ABHD17C: variants seen among roughly 807,000 people sequenced by gnomAD.
ABHD17C encodes the protein alpha/beta hydrolase domain-containing protein 17C.
In ABHD17C, 11 loss-of-function variants were observed where a neutral mutation model predicts 27.9. That is an observed-to-expected ratio of 0.39 (90% CI 0.25 to 0.65). The LOEUF (loss-of-function observed/expected upper bound fraction) is 0.65, where lower values mean the gene tolerates loss of function less well. Ranked by LOEUF, ABHD17C falls within the 30% of genes least tolerant of loss-of-function variation. The pLI is 0.45. For missense variants in ABHD17C, 280 were observed against 470.2 expected (o/e 0.60, Z 3.74); for synonymous variants, 233 against 209.1 (o/e 1.11, Z -0.98).
intron 1 of ABHD17C, among the ~76,000 whole-genome samples, chr15:80,703,941 A>G (rs1894608571): frequency 6.6e-6 from 1 of 152,232 alleles, no homozygotes; most frequent in African/African-American, 2.4e-5. Flanking sequence ...AAGTAGGCAC[A>G]GTAAGAGATT....
intron 1 of ABHD17C, among the ~76,000 whole-genome samples, chr15:80,732,577 G>T (rs189804280): frequency 1.2e-4 from 19 of 152,210 alleles, no homozygotes; most frequent in Non-Finnish European, 5.9e-5. Flanking sequence ...AGGACGGGGT[G>T]GGGGGATAGA....
At chr15:80,719,671 A>G (rs377420950) in intron 1 of ABHD17C, among the ~76,000 whole-genome samples, 25 of 152,360 alleles carry the variant, frequency 1.6e-4, no homozygotes, top group Non-Finnish European at 3.2e-4. Flanking sequence ...CATGTTTTGT[A>G]GATCTTTCTG....
intron 1 of ABHD17C, among the ~76,000 whole-genome samples, chr15:80,700,954 C>T (rs1430945876): frequency 6.6e-6 from 1 of 152,196 alleles, no homozygotes; most frequent in Non-Finnish European, 1.5e-5. Flanking sequence ...TTTATTTATG[C>T]TCTGCTTGTG....
At chr15:80,747,563 G>A (rs1895307078) in intron 1 of ABHD17C, among the ~76,000 whole-genome samples, 1 of 152,096 alleles carries the variant, frequency 6.6e-6, no homozygotes, top group African/African-American at 2.4e-5. Context: ...ATGTGGATTT[G>A]GGCACAGGAT....
intron 1 of ABHD17C, among the ~76,000 whole-genome samples, chr15:80,725,963 G>A (rs1894968449): frequency 6.6e-6 from 1 of 152,144 alleles, no homozygotes; most frequent in South Asian, 2.1e-4. Context: ...GAAATCAGGG[G>A]TCTCACAGCC....
At position 80,695,393 on chromosome 15, in the gene ABHD17C, A is replaced by C. The variant is rs755087500; in HGVS notation, c.-37A>C. 8.5e-6 allele frequency: 10 copies of C among 1,176,212 alleles called. No homozygotes were observed. In the South Asian group the frequency reaches 2.5e-4, roughly 29 times the overall value. The allele number at this position is 1,176,212 out of a possible 1,614,324, so 72.9% of individuals were successfully genotyped here. ...GTCCTCCCGGGCCAGCCAGCCAGCCAGCCAGCCGGGCCGGCGGCGGGCACC... is the reference window on the plus strand; with the variant it reads ...GTCCTCCCGGGCCAGCCAGCCAGCCCGCCAGCCGGGCCGGCGGCGGGCACC... On this transcript the variant is annotated 5_prime_UTR_variant, in exon 1 of 3. Coordinates refer to ENST00000258884, the MANE Select transcript of ABHD17C (RefSeq NM_021214.2). The surrounding 1 kb of genome is among the most constrained non-coding windows in gnomAD (Gnocchi z 4.3).
intron 1 of ABHD17C, among the ~76,000 whole-genome samples, chr15:80,707,659 G>C (rs891416769): frequency 1.3e-5 from 2 of 151,992 alleles, no homozygotes; most frequent in Admixed American, 6.6e-5. Flanking sequence ...ATCCTGGGCC[G>C]AGGGTTGGAC....
At chr15:80,708,038 T>C (rs2141493501) in intron 1 of ABHD17C, among the ~76,000 whole-genome samples, 1 of 152,312 alleles carries the variant, frequency 6.6e-6, no homozygotes, top group Non-Finnish European at 1.5e-5. Flanking sequence ...CTTCCACACC[T>C]GGGCCCCGGG....
intron 2 of ABHD17C, among the ~76,000 whole-genome samples, chr15:80,750,671 C>T (rs1895353773): frequency 6.6e-6 from 1 of 152,074 alleles, no homozygotes; most frequent in African/African-American, 2.4e-5. Flanking sequence ...CAGTTTGTAC[C>T]AGGATTCAAT....
At chr15:80,711,257 G>A (rs142122231) in intron 1 of ABHD17C, among the ~76,000 whole-genome samples, 31 of 152,296 alleles carry the variant, frequency 2.0e-4, no homozygotes, top group East Asian at 1.9e-3. Flanking sequence ...TCGGATGCTC[G>A]CATGAATCAC....
intron 1 of ABHD17C, among the ~76,000 whole-genome samples, chr15:80,714,296 G>C (rs1894773809): frequency 1.3e-5 from 2 of 152,176 alleles, no homozygotes; most frequent in African/African-American, 4.8e-5. Context: ...TTAGATTGTA[G>C]TTCTGGTGTA....
chr15:80,726,932 A>G (rs1894988701), intron 1 of ABHD17C, among the ~76,000 whole-genome samples: 1 of 152,096 alleles, frequency 6.6e-6, no homozygotes, highest in South Asian at 2.1e-4. Context: ...ATCTTTTTAC[A>G]TGTCTGTAGT....
At position 80,751,202 on chromosome 15, in the gene ABHD17C, A is replaced by AT. The variant is rs374309036; in HGVS notation, c.770+1510_770+1511insT. 1.2e-3 allele frequency among the ~76,000 whole-genome samples: 154 copies of AT among 126,990 alleles called. No homozygotes were observed. The Middle Eastern group carries it at 0.013, about 10-fold the overall frequency. 83.3% of individuals were successfully genotyped at this position (126,990 alleles called of 152,430 possible). On this transcript the variant is annotated intron_variant, in intron 2 of 2. Transcript: ENST00000258884. ...CCGTCTCTACTAAAAATACAAAAAA[A>AT]AAAAATAATTAGACGAGCGTGGTGG...
intron 1 of ABHD17C, among the ~76,000 whole-genome samples, chr15:80,735,961 A>G (rs1895124733): frequency 6.6e-6 from 1 of 152,132 alleles, no homozygotes; most frequent in African/African-American, 2.4e-5. Flanking sequence ...TGTATTTGGT[A>G]TGTTTTCTTT....
chr15:80,718,479 T>C (rs1235911569), intron 1 of ABHD17C, among the ~76,000 whole-genome samples: 2 of 152,086 alleles, frequency 1.3e-5, no homozygotes, highest in Non-Finnish European at 1.5e-5. Flanking sequence ...ATTACAAGCA[T>C]GTGCCACCAT....
intron 1 of ABHD17C, among the ~76,000 whole-genome samples, chr15:80,734,263 G>T (rs892726735): frequency 2.6e-5 from 4 of 152,192 alleles, no homozygotes; most frequent in Admixed American, 1.3e-4. Flanking sequence ...GGGATTACAG[G>T]TGTGAGCCAC....
intron 2 of ABHD17C, among the ~76,000 whole-genome samples, chr15:80,750,558 AT>A (rs1160995704): frequency 6.6e-6 from 1 of 152,208 alleles, no homozygotes; most frequent in East Asian, 1.9e-4. Context: ...TGGAAAAAAA[AT>A]AAAAGATCAT....
intron 1 of ABHD17C, chr15:80,703,395 GC>G (rs1265148510): frequency 2.0e-5 from 3 of 152,198 alleles, no homozygotes; most frequent in Non-Finnish European, 2.9e-5. Context: ...ACACTTCTGG[GC>G]TTCACATTCC....
At chr15:80,713,354 CTTTTTTTTTTTTT>C (rs67320992) in intron 1 of ABHD17C, among the ~76,000 whole-genome samples, 6 of 43,858 alleles carry the variant, frequency 1.4e-4, no homozygotes, top group Admixed American at 9.3e-4. Flanking sequence ...AGGTCTTGTT[CTTTTTTTTTTTTT>C]TTTTTTTTTT....
Sources: gnomAD v4.1 joint callset for allele counts (sites outside exome capture counted in the v4.1 genomes callset) on GRCh38, gnomAD v4.1.1 for gene constraint, Gnocchi (gnomAD v3.1) non-coding constraint, MANE v1.5 for transcripts, NCBI Gene and HGNC (gene_info 2026-07-23, HGNC 2026-07-21) for gene names.